Variants in HEMK2 observed in about 807,000 individuals in gnomAD.
HEMK2 encodes the protein HemK methyltransferase 2, ETF1 glutamine and histone H4 lysine, also known as methyltransferase HEMK2.
At chr21:28,732,430 G>A in the HEMK2 span, among the ~76,000 whole-genome samples, 1 of 152,240 alleles carries the variant, frequency 6.6e-6, no homozygotes. Flanking sequence ...TACAGCATGT[G>A]CTGGCATCAA....
the HEMK2 span, among the ~76,000 whole-genome samples, chr21:28,837,627 C>T: frequency 6.6e-6 from 1 of 151,888 alleles, no homozygotes; most frequent in Non-Finnish European, 1.5e-5. Flanking sequence ...AAGGTCACAC[C>T]TAAAGAAACT....
the HEMK2 span, among the ~76,000 whole-genome samples, chr21:28,580,918 TG>T: frequency 5.4e-4 from 82 of 152,338 alleles, no homozygotes; most frequent in African/African-American, 1.9e-3. Flanking sequence ...GTTCCTAGTA[TG>T]GCCTTGATCA....
the HEMK2 span, among the ~76,000 whole-genome samples, chr21:28,822,681 T>C: frequency 1.3e-5 from 2 of 152,062 alleles, no homozygotes; most frequent in East Asian, 1.9e-4. Flanking sequence ...CTGGAGCCAT[T>C]CCTTTCCCCA....
the HEMK2 span, among the ~76,000 whole-genome samples, chr21:28,819,256 T>C: frequency 6.4e-4 from 96 of 149,386 alleles, 1 homozygote; most frequent in Middle Eastern, 3.5e-3. Flanking sequence ...AAATGTGCCA[T>C]CTAAACTACA....
chr21:28,709,458 C>T, the HEMK2 span, among the ~76,000 whole-genome samples: 1 of 152,122 alleles, frequency 6.6e-6, no homozygotes, highest in African/African-American at 2.4e-5. Context: ...GAATGCACTT[C>T]TCTAGTATTT....
At chr21:28,843,549 TAAC>T in the HEMK2 span, among the ~76,000 whole-genome samples, 2 of 152,164 alleles carry the variant, frequency 1.3e-5, no homozygotes, top group Non-Finnish European at 2.9e-5. Context: ...TACTCAGTAA[TAAC>T]AAACTTCAAT....
the HEMK2 span, among the ~76,000 whole-genome samples, chr21:28,686,661 C>T: frequency 5.9e-5 from 9 of 152,160 alleles, no homozygotes; most frequent in East Asian, 7.7e-4. Flanking sequence ...GCTGGATGAA[C>T]GCTTTTTAGG....
the HEMK2 span, among the ~76,000 whole-genome samples, chr21:28,641,895 T>TC: frequency 6.6e-6 from 1 of 152,236 alleles, no homozygotes; most frequent in African/African-American, 2.4e-5. Flanking sequence ...GCCAAGCTTA[T>TC]CTTTCTGGAT....
At chr21:28,722,316 G>A in the HEMK2 span, among the ~76,000 whole-genome samples, 1 of 152,162 alleles carries the variant, frequency 6.6e-6, no homozygotes, top group Admixed American at 6.5e-5. Flanking sequence ...ATACAGTGAA[G>A]TTTGCAGATG....
the HEMK2 span, among the ~76,000 whole-genome samples, chr21:28,869,464 T>C: frequency 2.0e-5 from 3 of 152,224 alleles, no homozygotes; most frequent in African/African-American, 7.2e-5. Context: ...AAGGTTTTTG[T>C]CTAACACAAT....
At chr21:28,849,372 A>T in the HEMK2 span, among the ~76,000 whole-genome samples, 2 of 152,152 alleles carry the variant, frequency 1.3e-5, no homozygotes, top group Non-Finnish European at 1.5e-5. Context: ...AAAAAAACCC[A>T]TCCAAAGGAC....
At chr21:28,598,544 C>T in the HEMK2 span, among the ~76,000 whole-genome samples, 1,734 of 152,296 alleles carry the variant, frequency 0.011, 37 homozygotes, top group African/African-American at 0.04. Flanking sequence ...CAAGCTGATG[C>T]CTGGTTTCTC....
At chr21:28,838,972 A>AATATAT in the HEMK2 span, among the ~76,000 whole-genome samples, 56 of 29,110 alleles carry the variant, frequency 1.9e-3, no homozygotes, top group African/African-American at 7.2e-3. Flanking sequence ...AAAAAAAAAA[A>AATATAT]ATATATATAT....
chr21:28,723,205 A>G, the HEMK2 span, among the ~76,000 whole-genome samples: 16 of 102,722 alleles, frequency 1.6e-4, no homozygotes, highest in African/African-American at 5.6e-4. Context: ...TTGTAGAGAC[A>G]GAGTCTTGTT....
At chr21:28,781,884 GGTAAACAGACACT>G in the HEMK2 span, among the ~76,000 whole-genome samples, 1 of 152,170 alleles carries the variant, frequency 6.6e-6, no homozygotes, top group Non-Finnish European at 1.5e-5. Context: ...AAGGCTTCTA[GGTAAACAGACACT>G]GTTATCAGGG....
chr21:28,677,916 C>T, the HEMK2 span, among the ~76,000 whole-genome samples: 2 of 152,108 alleles, frequency 1.3e-5, no homozygotes, highest in Admixed American at 1.3e-4. Context: ...TCATCAAAGA[C>T]CAAAGGTAGA....
chr21:28,776,930 T>G, the HEMK2 span, among the ~76,000 whole-genome samples: 8 of 152,194 alleles, frequency 5.3e-5, no homozygotes, highest in African/African-American at 1.9e-4. Flanking sequence ...CCCAGGCCAC[T>G]GACTCAAAAG....
At chr21:28,800,446 C>T in the HEMK2 span, among the ~76,000 whole-genome samples, 1 of 152,006 alleles carries the variant, frequency 6.6e-6, no homozygotes, top group African/African-American at 2.4e-5. Context: ...TGTTTCCCTG[C>T]ATTTGGCAGG....
chr21:28,695,540 A>G, the HEMK2 span, among the ~76,000 whole-genome samples: 1 of 152,182 alleles, frequency 6.6e-6, no homozygotes, highest in Non-Finnish European at 1.5e-5. Flanking sequence ...GAGCTTGTGC[A>G]GGGGAACTCC....
Sources: allele counts gnomAD v4.1 joint callset (sites outside exome capture counted in the v4.1 genomes callset), GRCh38; gene constraint gnomAD v4.1.1; transcripts MANE v1.5; gene names NCBI Gene and HGNC (gene_info 2026-07-23, HGNC 2026-07-21).